The following CAST variants were observed in gnomAD, a reference collection of about 807,000 sequenced individuals.
CAST encodes MIR583 host.
A neutral mutation model predicts 119.6 loss-of-function variants in CAST; 76 were observed. The observed-to-expected ratio is 0.64, with a 90% confidence interval of 0.53 to 0.77. CAST has a LOEUF of 0.77. CAST is among the 30% of genes least tolerant of loss of function. CAST has a pLI of 0.00. For synonymous variants in CAST, 319 were observed against 331.6 expected, an observed-to-expected ratio of 0.96 and a Z score of 0.41; for missense variants, 953 against 946.5, an observed-to-expected ratio of 1.01 and a Z score of -0.09.
the CAST span, among the ~76,000 whole-genome samples, chr5:96,465,868 G>A: frequency 1.3e-5 from 2 of 152,140 alleles, no homozygotes; most frequent in African/African-American, 2.4e-5. Context: ...TCTAGGAATG[G>A]GCACAGCCAT....
the CAST span, among the ~76,000 whole-genome samples, chr5:96,459,236 G>A: frequency 6.6e-6 from 1 of 152,120 alleles, no homozygotes; most frequent in Non-Finnish European, 1.5e-5. Flanking sequence ...GGGCTGGTTA[G>A]GGTGCTCCCG....
chr5:96,536,828 G>T (rs1745824360), intron 1 of CAST, among the ~76,000 whole-genome samples: 1 of 94,438 alleles, frequency 1.1e-5, no homozygotes, highest in Non-Finnish European at 2.3e-5. Context: ...ATTTGTAACA[G>T]TATAAATTTT....
At chr5:96,226,763 T>G in the CAST span, among the ~76,000 whole-genome samples, 2 of 152,206 alleles carry the variant, frequency 1.3e-5, no homozygotes, top group Non-Finnish European at 2.9e-5. Context: ...AGGTTTAACT[T>G]TCTCCCCCAC....
chr5:96,528,610 A>G (rs993867408), upstream of CAST, among the ~76,000 whole-genome samples: 6 of 152,342 alleles, frequency 3.9e-5, no homozygotes, highest in East Asian at 3.9e-4. Context: ...CTTGGATGTG[A>G]TAAGACAAGA....
chr5:96,090,488 C>T, the CAST span, among the ~76,000 whole-genome samples: 1 of 152,034 alleles, frequency 6.6e-6, no homozygotes, highest in African/African-American at 2.4e-5. Flanking sequence ...GACCATTAGG[C>T]CTCTCTGGGG....
At chr5:96,615,854 G>A (rs1240024288) in intron 1 of CAST, among the ~76,000 whole-genome samples, 2 of 152,118 alleles carry the variant, frequency 1.3e-5, no homozygotes, top group African/African-American at 4.8e-5. Context: ...AGTTTATTAA[G>A]GAGTATTAAC....
chr5:96,593,612 T>C (rs554760275), intron 1 of CAST, among the ~76,000 whole-genome samples: 1 of 152,356 alleles, frequency 6.6e-6, no homozygotes, highest in East Asian at 1.9e-4. Flanking sequence ...GAGATACATG[T>C]AATGTGCATG....
intron 30 of CAST, 117 bp from the exon 31 acceptor site, chr5:96,771,527 G>A: frequency 1.5e-6 from 1 of 665,734 alleles, no homozygotes; most frequent in Non-Finnish European, 2.6e-6. Context: ...AAACTGAAAG[G>A]ACCATCTTAT....
chr5:96,371,355 G>A, the CAST span, among the ~76,000 whole-genome samples: 5 of 152,218 alleles, frequency 3.3e-5, no homozygotes, highest in Admixed American at 6.5e-5. Context: ...CTAATCCTGT[G>A]ATAGCCCATG....
the CAST span, among the ~76,000 whole-genome samples, chr5:96,245,960 C>T: frequency 1.3e-5 from 2 of 152,124 alleles, no homozygotes; most frequent in African/African-American, 4.8e-5. Context: ...ATCCCAGAAG[C>T]AGCACCAACT....
the CAST span, among the ~76,000 whole-genome samples, chr5:95,993,487 G>A: frequency 6.6e-6 from 1 of 152,058 alleles, no homozygotes; most frequent in South Asian, 2.1e-4. Flanking sequence ...CTAGCCAGTG[G>A]GTGTGGCCCA....
chr5:96,626,303 C>T (rs1036968798), intron 1 of CAST, among the ~76,000 whole-genome samples: 2 of 152,194 alleles, frequency 1.3e-5, no homozygotes, highest in Non-Finnish European at 2.9e-5. Context: ...CCCCTGCTGC[C>T]TCTCTTACTC....
the CAST span, among the ~76,000 whole-genome samples, chr5:96,198,071 A>T: frequency 1.3e-5 from 2 of 152,216 alleles, no homozygotes; most frequent in East Asian, 3.9e-4. Context: ...CCCAACCTAG[A>T]AATTAGACAG....
chr5:96,696,965 AG>A (rs894871289), intron 3 of CAST, among the ~76,000 whole-genome samples: 1 of 152,182 alleles, frequency 6.6e-6, no homozygotes, highest in Non-Finnish European at 1.5e-5. Context: ...GTTCAAGACC[AG>A]CCTGGCCAAG....
At chr5:96,754,373 G>A (rs1053466518) in intron 21 of CAST, among the ~76,000 whole-genome samples, 8 of 152,164 alleles carry the variant, frequency 5.3e-5, no homozygotes, top group African/African-American at 1.9e-4. Context: ...TGCACAGACC[G>A]GAGGCCTCTG....
chr5:96,395,065 A>G, the CAST span: 1 of 1,476,984 alleles, frequency 6.8e-7, no homozygotes, highest in Non-Finnish European at 9.5e-7. Context: ...TGTGTTTTAG[A>G]TAATATAAAA....
At chr5:96,196,467 T>C in the CAST span, among the ~76,000 whole-genome samples, 1 of 152,222 alleles carries the variant, frequency 6.6e-6, no homozygotes, top group Admixed American at 6.5e-5. Flanking sequence ...AAGGGGAAAA[T>C]GATAATAAAC....
At chr5:96,380,704 G>A in the CAST span, among the ~76,000 whole-genome samples, 1 of 152,002 alleles carries the variant, frequency 6.6e-6, no homozygotes, top group African/African-American at 2.4e-5. Context: ...TGAGGTTGAT[G>A]GTTTCTTAAT....
At chr5:96,104,022 T>A in the CAST span, among the ~76,000 whole-genome samples, 2 of 152,222 alleles carry the variant, frequency 1.3e-5, no homozygotes, top group Non-Finnish European at 2.9e-5. Flanking sequence ...TTTGGCTGCA[T>A]AAATGTCTTC....
Sources: allele counts gnomAD v4.1 joint callset (sites outside exome capture counted in the v4.1 genomes callset), GRCh38; gene constraint gnomAD v4.1.1; transcripts MANE v1.5; gene names NCBI Gene and HGNC (gene_info 2026-07-23, HGNC 2026-07-21).